The following MRGPRF variants were observed in gnomAD, a reference collection of about 807,000 sequenced individuals.
MRGPRF encodes MAS related GPR family member F.
Under a neutral mutation model 3.3 loss-of-function variants are expected in MRGPRF, and 2 were observed. That is an observed-to-expected ratio of 0.61 (90% confidence interval 0.25 to 1.92). The LOEUF (loss-of-function observed/expected upper bound fraction) is 1.92. MRGPRF is among the 40% of genes most tolerant of loss of function. The probability of loss-of-function intolerance (pLI) is 0.16; values close to 1 mark genes in which losing one functional copy is unlikely to be tolerated. For missense variants in MRGPRF, 500 were observed against 476.0 expected, an observed-to-expected ratio of 1.05 and a Z score of -0.47; for synonymous variants, 242 against 222.7, an observed-to-expected ratio of 1.09 and a Z score of -0.77.
chr11:69,010,723 A>AT (rs1411999416), intron 1 of MRGPRF, among the ~76,000 whole-genome samples: 8 of 152,116 alleles, frequency 5.3e-5, no homozygotes, highest in African/African-American at 1.9e-4. Context: ...GACTGCTGGC[A>AT]TAGAGAGGGG....
chr11:69,005,626 G>T lies in MRGPRF; in HGVS notation c.684C>A (p.Ala228=), dbSNP rs751105387. 1 of 1,557,262 alleles carries T rather than the reference G, an allele frequency of 6.4e-7. No individual in the cohort carries two copies. The change falls in exon 3 of 3, where the codon GCC becomes GCA. Residue 228 remains alanine, a synonymous_variant. Transcript: ENST00000309099. The part of the protein sequence containing the change: ...LALILHVECR[A]RRRQRSAKLN... ...GCTTGGCAGAGCGCTGGCGCCGTCG[G>T]GCCCGGCACTCCACGTGCAGGATGA...
chr11:69,012,596 C>T lies in MRGPRF; in HGVS notation c.-57+487G>A, dbSNP rs1860621849. The T allele has an allele frequency of 2.0e-5, 3 of 152,504 alleles. No individual in the cohort carries two copies. The South Asian group carries it at 6.2e-4, about 32-fold the overall frequency. 9.4% of individuals were successfully genotyped at this position (152,504 alleles called of 1,614,324 possible). Reference sequence around the variant, plus strand: ...TCCTGTGGCTGCCCACACGGACACCCCATGTGCACCCCAGGGCTGAGAGCA... The same window carrying T: ...TCCTGTGGCTGCCCACACGGACACCTCATGTGCACCCCAGGGCTGAGAGCA... On this transcript the variant is annotated intron_variant, in intron 1 of 2. Transcript: ENST00000309099.
At chr11:69,010,930 C>T (rs554284894) in intron 1 of MRGPRF, among the ~76,000 whole-genome samples, 7 of 152,274 alleles carry the variant, frequency 4.6e-5, no homozygotes, top group South Asian at 4.1e-4. Flanking sequence ...CCCTTCCCCG[C>T]AGAGAAGCAT....
intron 2 of MRGPRF, among the ~76,000 whole-genome samples, chr11:69,006,533 C>T (rs1375623702): frequency 1.3e-5 from 2 of 152,070 alleles, no homozygotes; most frequent in Non-Finnish European, 2.9e-5. Flanking sequence ...CCAGACAGTG[C>T]CCAGGAAGGG....
rs747607052 is a variant in MRGPRF at position 69,005,376 on chromosome 11, G to C, written c.934C>G (p.Arg312Gly). Reference protein sequence around the residue: ...LWEPLRVVFQRALRDGAELGE... With the variant: ...LWEPLRVVFQGALRDGAELGE... Reference sequence around the variant, plus strand: ...AGCTCAGCGCCGTCCCGCAGGGCCCGCTGGAAGACCACCCTGAGCGGCTCC... The same window carrying C: ...AGCTCAGCGCCGTCCCGCAGGGCCCCCTGGAAGACCACCCTGAGCGGCTCC... The change falls in exon 3 of 3, where the codon CGG becomes GGG. Residue 312 changes from arginine to glycine, a missense_variant. By Grantham distance (125) the Arg-to-Gly change is moderately radical. Coordinates refer to ENST00000309099, the MANE Select transcript of MRGPRF (RefSeq NM_145015.5). 2.1e-5 allele frequency: 33 copies of C among 1,572,196 alleles called. No individual in the cohort carries two copies. Among genetic ancestry groups the C allele is most frequent in the Non-Finnish European group, 2.8e-5 (33 of 1,159,462 alleles).
intron 1 of MRGPRF, 78 bp from the exon 2 acceptor site, chr11:69,010,035 C>G: frequency 1.1e-6 from 1 of 919,628 alleles, no homozygotes; most frequent in African/African-American, 1.7e-5. Flanking sequence ...CCTAGGCCCC[C>G]AAGGCCTGTG....
chr11:69,011,244 C>T (rs1163246942), intron 1 of MRGPRF, among the ~76,000 whole-genome samples: 1 of 152,206 alleles, frequency 6.6e-6, no homozygotes, highest in African/African-American at 2.4e-5. Context: ...TGGCCCGCCC[C>T]CTCTTTAACC....
intron 2 of MRGPRF, chr11:69,009,498 C>G (rs773089194): frequency 6.3e-5 from 37 of 582,702 alleles, no homozygotes; most frequent in Non-Finnish European, 1.1e-4. Flanking sequence ...GAGTCAGCGT[C>G]CCAGGGCTTC....
At chr11:69,009,575 C>G (rs968623473) in intron 2 of MRGPRF, 2 of 600,798 alleles carry the variant, frequency 3.3e-6, no homozygotes, top group African/African-American at 3.7e-5. Context: ...GAAACAAGAC[C>G]TTGCAAGGAT....
chr11:69,006,619 CTTTTTTTT>C (rs11326908), intron 2 of MRGPRF, among the ~76,000 whole-genome samples: 10 of 107,936 alleles, frequency 9.3e-5, no homozygotes, highest in African/African-American at 3.4e-4. Context: ...GAGCCTTTCC[CTTTTTTTT>C]TTTTTTTTTT....
chr11:69,007,569 A>G (rs1860514854), intron 2 of MRGPRF, among the ~76,000 whole-genome samples: 1 of 152,262 alleles, frequency 6.6e-6, no homozygotes. Context: ...ATAGAGAGAA[A>G]GCACTTGTGG....
chr11:69,005,712 A>G lies in MRGPRF; in HGVS notation c.598T>C (p.Phe200Leu), dbSNP rs562315886. Reference protein sequence around the residue: ...PGAACRHMDIFLGILLFLLCC... With the variant: ...PGAACRHMDILLGILLFLLCC... ...AGCAGGAACAGGAGGATGCCCAGGA[A>G]GATGTCCATGTGCCTGCAGGCCGCG... The change falls in exon 3 of 3, where the codon TTC becomes CTC. Residue 200 changes from phenylalanine (F) to leucine (L), a missense_variant. Transcript: ENST00000309099. 6.4e-7 allele frequency: 1 copy of G among 1,550,826 alleles called. No individual in the cohort carries two copies. The highest frequency in any genetic ancestry group is 1.4e-5 in the African/African-American group (1 of 73,184).
rs1157720517 is a variant in MRGPRF at position 69,006,066 on chromosome 11, A to G, written c.244T>C (p.Phe82Leu). 1 of 1,602,258 alleles carries G rather than the reference A, an allele frequency of 6.2e-7. No homozygotes were observed. Among genetic ancestry groups the G allele is most frequent in the Non-Finnish European group, 8.5e-7 (1 of 1,174,420 alleles). Residue 82 changes from phenylalanine to leucine, a missense_variant, in exon 3 of 3, where the codon TTC (phenylalanine) becomes CTC (leucine). Transcript: ENST00000309099. The part of the protein sequence containing the change: ...SIKRNPFSIY[F>L]LHLASADVGY... ...ACATCGGCGCTGGCCAGGTGCAGGA[A>G]GTAGATGGAGAAGGGGTTCCTCTTG...
intron 2 of MRGPRF, among the ~76,000 whole-genome samples, chr11:69,006,765 G>A (rs1199007979): frequency 4.0e-5 from 6 of 151,318 alleles, no homozygotes; most frequent in African/African-American, 7.3e-5. Flanking sequence ...CTGGGACTAC[G>A]GGCACGCGGC....
Position 69,004,623 on chromosome 11 carries a change from C to T in MRGPRF, c.*655G>A, listed in dbSNP as rs1456652438. 1 of 152,218 alleles carries T rather than the reference C, an allele frequency of 6.6e-6. No homozygotes were observed. The highest frequency in any genetic ancestry group is 1.5e-5 in the Non-Finnish European group (1 of 68,060). The allele number at this position is 152,218 out of a possible 1,614,324, so 9.4% of individuals were successfully genotyped here. On this transcript the variant is annotated 3_prime_UTR_variant, in exon 3 of 3. Coordinates refer to ENST00000309099, the MANE Select transcript of MRGPRF (RefSeq NM_145015.5). ...GCTCCCGGAGGCAGCCTAGGACTGG[C>T]TCGTCCCGGAGTCAGAAAAGGCAGG...
At chr11:69,013,379 GC>G (rs913280597), upstream of MRGPRF, 19 of 152,190 alleles carry the variant, frequency 1.2e-4, no homozygotes, top group East Asian at 3.9e-4. Context: ...CCGCTCAGGA[GC>G]CCCCCCCAGA....
At chr11:69,006,282 ACACCTGT>A in intron 2 of MRGPRF, 21 bp from the exon 3 acceptor site, 1 of 1,578,648 alleles carries the variant, frequency 6.3e-7, no homozygotes, top group Non-Finnish European at 8.6e-7. Context: ...GCAGAGAGGG[ACACCTGT>A]GATGCCGGCT....
chr11:69,006,183 G>A lies in MRGPRF; in HGVS notation c.127C>T (p.Pro43Ser). ...AAGATGTAGTTCATGACGGCCGGAGGCGGCAGCATCGCGATCTGCTCGATG... is the reference window on the plus strand; with the variant it reads ...AAGATGTAGTTCATGACGGCCGGAGACGGCAGCATCGCGATCTGCTCGATG... The part of the protein sequence containing the change: ...LTIEQIAMLP[P>S]PAVMNYIFLL... The change falls in exon 3 of 3, where the codon CCT (proline) becomes TCT (serine). Residue 43 changes from proline to serine, a missense_variant. Pro to Ser is a moderately conservative substitution (Grantham distance 74). Coordinates refer to ENST00000309099, the MANE Select transcript of MRGPRF (RefSeq NM_145015.5). The A allele has an allele frequency of 6.2e-7, 1 of 1,613,920 alleles. No homozygotes were observed. The highest frequency in any genetic ancestry group is 8.5e-7 in the Non-Finnish European group (1 of 1,180,032).
At chr11:69,010,621 A>C (rs991275622) in intron 1 of MRGPRF, among the ~76,000 whole-genome samples, 1 of 152,146 alleles carries the variant, frequency 6.6e-6, no homozygotes, top group Admixed American at 6.5e-5. Flanking sequence ...CTGGGCTTAG[A>C]GGGTGAGGTC....
Sources: allele counts gnomAD v4.1 joint callset (sites outside exome capture counted in the v4.1 genomes callset), GRCh38; gene constraint gnomAD v4.1.1; transcripts MANE v1.5; gene names NCBI Gene and HGNC (gene_info 2026-07-23, HGNC 2026-07-21).